The following LHFPL3 variants were observed in gnomAD, a reference collection of about 807,000 sequenced individuals.
The protein encoded by LHFPL3 is LHFPL tetraspan subfamily member 3 protein.
LHFPL3 carries 5 observed loss-of-function variants against 19.3 expected under a neutral mutation model. That is an observed-to-expected ratio of 0.26 (90% CI 0.14 to 0.54). The LOEUF (loss-of-function observed/expected upper bound fraction) is 0.54. LHFPL3 is among the 20% of genes least tolerant of loss of function. The probability of loss-of-function intolerance (pLI) is 0.94; values close to 1 mark genes in which losing one functional copy is unlikely to be tolerated. For synonymous variants in LHFPL3, 133 were observed against 126.2 expected (o/e 1.05, Z -0.36); for missense variants, 249 against 307.4 (o/e 0.81, Z 1.42).
In LHFPL3 at chr7:104,649,212, A is replaced by C. The variant is rs550691590; in HGVS notation, c.446-87463A>C. ...ATTGAGATGGATGGTAGGAATGACA[A>C]AACACTTCACAGACACCTGAGGAAC... On this transcript the variant is annotated intron_variant, in intron 1 of 2. Coordinates refer to ENST00000424859, the MANE Select transcript of LHFPL3 (RefSeq NM_199000.3). Among the ~76,000 whole-genome samples the C allele has an allele frequency of 5.3e-5, 8 of 152,348 alleles. No individual in the cohort carries two copies. In the South Asian group the frequency reaches 1.7e-3, roughly 32 times the overall value.
chr7:104,599,087 T>C (rs540067551), intron 1 of LHFPL3, among the ~76,000 whole-genome samples: 1 of 152,332 alleles, frequency 6.6e-6, no homozygotes, highest in East Asian at 1.9e-4. Flanking sequence ...TTTTCTTAAA[T>C]AGGCAAATAT....
intron 1 of LHFPL3, among the ~76,000 whole-genome samples, chr7:104,667,268 G>GGGC (rs59283044): frequency 6.6e-6 from 1 of 151,732 alleles, no homozygotes; most frequent in Non-Finnish European, 1.5e-5. Flanking sequence ...TTTTCTTGGG[G>GGGC]GGGGGAATCT....
In LHFPL3 at chr7:104,561,310, G is replaced by A. The variant is rs1450716106; in HGVS notation, c.446-175365G>A. ...TAAAGTCTCTCATTATTAATGTGTG[G>A]GAGTCTAAGTCTCTTTGTAGGTCAC... On this transcript the variant is annotated intron_variant, in intron 1 of 2. Transcript: ENST00000424859. Among the ~76,000 whole-genome samples, 17 of 149,376 alleles carry A rather than the reference G, an allele frequency of 1.1e-4. No homozygotes were observed. In the East Asian group the frequency reaches 2.9e-3, roughly 25 times the overall value.
At chr7:104,761,853 G>A (rs566570936) in intron 2 of LHFPL3, among the ~76,000 whole-genome samples, 32 of 152,298 alleles carry the variant, frequency 2.1e-4, no homozygotes, top group African/African-American at 7.5e-4. Context: ...TTTAATAGAA[G>A]TGCCAGCAAG....
rs377322392 is a variant in LHFPL3 at position 104,742,206 on chromosome 7, A to C, written c.682+5295A>C. The stretch of plus-strand genomic sequence containing the variant: ...TTTCCAGAGCTCCTATGCCACAAAT[A>C]TCTCTTTCCTTGTCAGACACCATTC... On this transcript the variant is annotated intron_variant, in intron 2 of 2. Coordinates refer to ENST00000424859, the MANE Select transcript of LHFPL3 (RefSeq NM_199000.3). Among the ~76,000 whole-genome samples the C allele has an allele frequency of 9.8e-5, 15 of 152,318 alleles. No homozygotes were observed. The East Asian group carries it at 2.9e-3, about 29-fold the overall frequency.
intron 1 of LHFPL3, among the ~76,000 whole-genome samples, chr7:104,626,525 A>G (rs1486411882): frequency 2.0e-5 from 3 of 152,118 alleles, no homozygotes; most frequent in East Asian, 1.9e-4. Context: ...TATTTGACAT[A>G]TGGATGCTGG....
At chr7:104,531,973 G>C (rs560337245) in intron 1 of LHFPL3, among the ~76,000 whole-genome samples, 41 of 152,222 alleles carry the variant, frequency 2.7e-4, no homozygotes, top group African/African-American at 9.9e-4. Flanking sequence ...CCATGTCAAG[G>C]CTGGGTGTTC....
intron 1 of LHFPL3, among the ~76,000 whole-genome samples, chr7:104,442,369 T>C (rs1792244545): frequency 6.6e-6 from 1 of 151,874 alleles, no homozygotes; most frequent in African/African-American, 2.4e-5. Context: ...ATCTAGATAT[T>C]GACACGACGC....
At chr7:104,430,720 G>A (rs545625370) in intron 1 of LHFPL3, among the ~76,000 whole-genome samples, 1 of 151,058 alleles carries the variant, frequency 6.6e-6, no homozygotes, top group African/African-American at 2.4e-5. Context: ...CGCCCACCTC[G>A]GCCTCCCAAA....
chr7:104,484,390 G>A (rs939647549), intron 1 of LHFPL3, among the ~76,000 whole-genome samples: 5 of 152,158 alleles, frequency 3.3e-5, no homozygotes, highest in African/African-American at 1.2e-4. Context: ...TTCTCAGCAT[G>A]GCCATTGCTG....
intron 2 of LHFPL3, among the ~76,000 whole-genome samples, chr7:104,874,415 G>A (rs1214024616): frequency 2.1e-5 from 3 of 145,112 alleles, no homozygotes; most frequent in African/African-American, 5.2e-5. Context: ...TTGGGGGGGG[G>A]ACAGAGTCTC....
chr7:104,679,024 A>T (rs1169925957), intron 1 of LHFPL3, among the ~76,000 whole-genome samples: 1 of 152,244 alleles, frequency 6.6e-6, no homozygotes, highest in African/African-American at 2.4e-5. Context: ...TGACAAATTA[A>T]TCCAAAACTT....
chr7:104,901,652 C>T (rs1484761691), intron 2 of LHFPL3, among the ~76,000 whole-genome samples: 3 of 152,228 alleles, frequency 2.0e-5, no homozygotes, highest in Admixed American at 6.5e-5. Context: ...ACTGCAGCCT[C>T]GACCTCCTGG....
At chr7:104,484,570 A>T (rs1368532727) in intron 1 of LHFPL3, among the ~76,000 whole-genome samples, 1 of 152,214 alleles carries the variant, frequency 6.6e-6, no homozygotes, top group African/African-American at 2.4e-5. Flanking sequence ...GAGGCAAAAC[A>T]TCTAAAGTAC....
At position 104,561,888 on chromosome 7, in the gene LHFPL3, A is replaced by C. The variant is rs1790012362; in HGVS notation, c.446-174787A>C. ...TGTAAGGCAGGCCTGGTGGTGACAAAATCTCTCAGCATTTGCTTGTCTGTA... is the reference window on the plus strand; with the variant it reads ...TGTAAGGCAGGCCTGGTGGTGACAACATCTCTCAGCATTTGCTTGTCTGTA... On this transcript the variant is annotated intron_variant, in intron 1 of 2. Transcript: ENST00000424859. 2.6e-5 allele frequency among the ~76,000 whole-genome samples: 4 copies of C among 152,184 alleles called. No homozygotes were observed. The South Asian group carries it at 8.3e-4, about 32-fold the overall frequency.
intron 1 of LHFPL3, among the ~76,000 whole-genome samples, chr7:104,483,605 T>C (rs574725443): frequency 5.9e-5 from 9 of 152,278 alleles, no homozygotes; most frequent in South Asian, 4.1e-4. Flanking sequence ...TAAACTTGTA[T>C]TTTATGCATG....
rs1801517290 is a variant in LHFPL3 at position 104,328,917 on chromosome 7, CT to C, written c.141del (p.Phe47LeufsTer15). 6.2e-7 allele frequency: 1 copy of C among 1,614,074 alleles called. No individual in the cohort carries two copies. Among genetic ancestry groups the C allele is most frequent in the Non-Finnish European group, 8.5e-7 (1 of 1,180,040 alleles). ...TGCTGTGGGCCATCTTCACCATCTG[CT>C]TTGCCATCGTCAACGTGGTGTGCTT... Reference protein sequence around the residue: ...GVLWAIFTICFAIVNVVCFIQ... With the variant: ...GVLWAIFTICXAIVNVVCFIQ... On this transcript the variant is annotated frameshift_variant, in exon 1 of 3. Coordinates refer to ENST00000424859, the MANE Select transcript of LHFPL3 (RefSeq NM_199000.3). LOFTEE classifies it high-confidence loss of function. This position sits in a 1 kb window ranked among gnomAD's most constrained non-coding sequence, Gnocchi z 4.6.
chr7:104,522,240 A>T (rs1794081292), intron 1 of LHFPL3, among the ~76,000 whole-genome samples: 1 of 152,114 alleles, frequency 6.6e-6, no homozygotes, highest in African/African-American at 2.4e-5. Context: ...CTTTGTAGGG[A>T]CATGGATGAA....
At chr7:104,335,803 A>T (rs75321094) in intron 1 of LHFPL3, among the ~76,000 whole-genome samples, 3,053 of 151,344 alleles carry the variant, frequency 0.02, 118 homozygotes, top group African/African-American at 0.07. Context: ...TGGCCAGGCT[A>T]GTATATTGCA....
Sources: gnomAD v4.1 joint callset for allele counts (sites outside exome capture counted in the v4.1 genomes callset) on GRCh38, gnomAD v4.1.1 for gene constraint, Gnocchi (gnomAD v3.1) non-coding constraint, MANE v1.5 for transcripts, NCBI Gene and HGNC (gene_info 2026-07-23, HGNC 2026-07-21) for gene names.